The following SLC35F4 variants were observed in gnomAD, a reference collection of about 807,000 sequenced individuals.
SLC35F4 encodes chromosome 14 open reading frame 36.
A neutral mutation model predicts 44.2 loss-of-function variants in SLC35F4; 24 were observed. The observed-to-expected ratio is 0.54, with a 90% confidence interval of 0.39 to 0.76. SLC35F4 has a LOEUF of 0.76. Among genes scored for constraint, SLC35F4 ranks in the 30% least tolerant of loss-of-function variants. The pLI, the probability that SLC35F4 is intolerant of heterozygous loss-of-function variation, is 0.00. For synonymous variants in SLC35F4, 238 were observed against 223.6 expected (o/e 1.06, Z -0.57); for missense variants, 562 against 586.1 (o/e 0.96, Z 0.42).
intron 1 of SLC35F4, among the ~76,000 whole-genome samples, chr14:57,802,998 A>G (rs2078226352): frequency 1.4e-5 from 2 of 146,176 alleles, no homozygotes; most frequent in Admixed American, 6.7e-5. Flanking sequence ...AAAAAAAAAA[A>G]AAAAAAAAGA....
intron 1 of SLC35F4, among the ~76,000 whole-genome samples, chr14:57,666,848 G>A (rs1238116838): frequency 1.3e-5 from 2 of 152,062 alleles, no homozygotes; most frequent in African/African-American, 4.8e-5. Flanking sequence ...AATTAGCTCA[G>A]TGGAGCCTGG....
intron 1 of SLC35F4, among the ~76,000 whole-genome samples, chr14:57,884,562 C>A (rs1437978580): frequency 6.6e-6 from 1 of 152,098 alleles, no homozygotes; most frequent in Non-Finnish European, 1.5e-5. Flanking sequence ...GAAGCAGCCA[C>A]TTTTTTCAAA....
chr14:57,815,745 G>T (rs767008528), intron 1 of SLC35F4, among the ~76,000 whole-genome samples: 1 of 151,928 alleles, frequency 6.6e-6, no homozygotes, highest in Non-Finnish European at 1.5e-5. Flanking sequence ...CCTAAATAGC[G>T]CATCTCCCAG....
chr14:57,972,199 C>A (rs1404452586), downstream of SLC35F4, among the ~76,000 whole-genome samples: 1 of 152,124 alleles, frequency 6.6e-6, no homozygotes, highest in African/African-American at 2.4e-5. Flanking sequence ...CAGGCCATGG[C>A]GCCTTGTAGA....
chr14:57,617,734 C>A (rs1307894016), intron 1 of SLC35F4, among the ~76,000 whole-genome samples: 7 of 152,122 alleles, frequency 4.6e-5, no homozygotes, highest in Non-Finnish European at 1.0e-4. Flanking sequence ...AGGCATTTAA[C>A]CAGGCTGGGG....
intron 1 of SLC35F4, among the ~76,000 whole-genome samples, chr14:57,805,879 A>T (rs1015486331): frequency 6.6e-6 from 1 of 152,246 alleles, no homozygotes; most frequent in African/African-American, 2.4e-5. Flanking sequence ...TAGTATCCAA[A>T]GTAAGGTCAC....
intron 1 of SLC35F4, among the ~76,000 whole-genome samples, chr14:57,943,681 C>T (rs1445382514): frequency 6.6e-6 from 1 of 152,214 alleles, no homozygotes; most frequent in African/African-American, 2.4e-5. Context: ...CCGATGTCTG[C>T]ACGGATCATG....
chr14:57,654,624 G>T (rs1389581220), intron 1 of SLC35F4, among the ~76,000 whole-genome samples: 2 of 152,172 alleles, frequency 1.3e-5, no homozygotes, highest in African/African-American at 4.8e-5. Context: ...GGGATTGCTG[G>T]ATCAAATTGT....
At chr14:57,918,272 T>G (rs1889371177) in intron 1 of SLC35F4, among the ~76,000 whole-genome samples, 1 of 152,122 alleles carries the variant, frequency 6.6e-6, no homozygotes, top group South Asian at 2.1e-4. Flanking sequence ...AGTTTTTAAC[T>G]CTCAGACTTG....
intron 3 of SLC35F4, among the ~76,000 whole-genome samples, chr14:57,588,977 A>G (rs1340129260): frequency 6.6e-6 from 1 of 152,114 alleles, no homozygotes; most frequent in Admixed American, 6.5e-5. Flanking sequence ...TAAAATGTAA[A>G]TGTTACCACC....
chr14:57,694,712 T>C (rs187491790), intron 1 of SLC35F4, among the ~76,000 whole-genome samples: 22 of 152,292 alleles, frequency 1.4e-4, no homozygotes, highest in Admixed American at 4.6e-4. Context: ...ATTTCTGTCT[T>C]GTCTCTCGAT....
intron 1 of SLC35F4, among the ~76,000 whole-genome samples, chr14:57,733,326 A>G (rs2076387563): frequency 6.6e-6 from 1 of 151,098 alleles, no homozygotes; most frequent in African/African-American, 2.4e-5. Context: ...ATTTTTAAAG[A>G]TACATGTCTG....
chr14:57,801,134 A>C (rs927607369), intron 1 of SLC35F4, among the ~76,000 whole-genome samples: 2 of 152,218 alleles, frequency 1.3e-5, no homozygotes, highest in South Asian at 4.1e-4. Context: ...GGCCACCTAC[A>C]AAGGGAAACC....
At chr14:57,638,384 G>A (rs963304040) in intron 1 of SLC35F4, among the ~76,000 whole-genome samples, 14 of 152,130 alleles carry the variant, frequency 9.2e-5, no homozygotes, top group Non-Finnish European at 1.9e-4. Context: ...GCCCCAGAGT[G>A]AACATGGGTT....
At position 57,586,339 on chromosome 14, in the gene SLC35F4, A is replaced by G. The variant is rs1411447577; in HGVS notation, c.587+2877T>C. On this transcript the variant is annotated intron_variant, in intron 3 of 7. Transcript: ENST00000556826. Reference sequence around the variant, plus strand: ...TACAAAAATTAACTCAAGGTGGATTAAAGACTTAAACGTAAGACCTAAAAC... The same window carrying G: ...TACAAAAATTAACTCAAGGTGGATTGAAGACTTAAACGTAAGACCTAAAAC... Among the ~76,000 whole-genome samples the G allele has an allele frequency of 2.0e-5, 3 of 152,204 alleles. 1 individual carries two copies. The highest frequency in any genetic ancestry group is 7.2e-5 in the African/African-American group (3 of 41,466).
intron 1 of SLC35F4, among the ~76,000 whole-genome samples, chr14:57,873,944 A>C (rs2141028539): frequency 6.6e-6 from 1 of 152,330 alleles, no homozygotes; most frequent in Non-Finnish European, 1.5e-5. Flanking sequence ...TGTTCTCATA[A>C]ATAATAAAAC....
At chr14:57,684,472 T>C (rs980922577) in intron 1 of SLC35F4, among the ~76,000 whole-genome samples, 11 of 152,150 alleles carry the variant, frequency 7.2e-5, no homozygotes, top group African/African-American at 2.7e-4. Flanking sequence ...CAGTTCACAA[T>C]AGGGTTCGAG....
At chr14:57,781,242 A>T (rs2077613319) in intron 1 of SLC35F4, among the ~76,000 whole-genome samples, 1 of 152,152 alleles carries the variant, frequency 6.6e-6, no homozygotes, top group African/African-American at 2.4e-5. Context: ...ACTATATTAA[A>T]AAGTGGGCAA....
intron 1 of SLC35F4, among the ~76,000 whole-genome samples, chr14:57,715,414 G>A (rs1048773036): frequency 6.6e-6 from 1 of 152,142 alleles, no homozygotes; most frequent in Non-Finnish European, 1.5e-5. Flanking sequence ...TTATCTTTTG[G>A]ACAATAAATT....
Sources: gnomAD v4.1 joint callset for allele counts (sites outside exome capture counted in the v4.1 genomes callset) on GRCh38, gnomAD v4.1.1 for gene constraint, MANE v1.5 for transcripts, NCBI Gene and HGNC (gene_info 2026-07-23, HGNC 2026-07-21) for gene names.